The following MYO16 variants were observed in gnomAD, a reference collection of about 807,000 sequenced individuals.
MYO16 encodes myosin XVI.
A neutral mutation model predicts 205.3 loss-of-function variants in MYO16; 94 were observed. The ratio of observed to expected loss-of-function variants is 0.46; its 90% CI spans 0.39 to 0.54. The LOEUF is 0.54. Among genes scored for constraint, MYO16 ranks in the 20% least tolerant of loss-of-function variants. MYO16 has a pLI of 0.00. For missense variants in MYO16, 2,315 were observed against 2,387.5 expected, an observed-to-expected ratio of 0.97 and a Z score of 0.63; for synonymous variants, 988 against 954.0, an observed-to-expected ratio of 1.04 and a Z score of -0.66.
At chr13:109,063,736 A>G (rs1378162735) in intron 27 of MYO16, among the ~76,000 whole-genome samples, 1 of 152,100 alleles carries the variant, frequency 6.6e-6, no homozygotes, top group Non-Finnish European at 1.5e-5. Flanking sequence ...GCAAAGTTAT[A>G]TATATTGTGT....
At chr13:108,624,107 G>C (rs1228138194) in intron 1 of MYO16, among the ~76,000 whole-genome samples, 1 of 152,126 alleles carries the variant, frequency 6.6e-6, no homozygotes, top group African/African-American at 2.4e-5. Context: ...AATGGGAAAA[G>C]TATGAAGGAG....
intron 32 of MYO16, among the ~76,000 whole-genome samples, chr13:109,143,450 A>G (rs972732985): frequency 6.6e-6 from 1 of 152,190 alleles, no homozygotes; most frequent in Non-Finnish European, 1.5e-5. Flanking sequence ...GTTTCATTCC[A>G]AGGAACAAAA....
At chr13:109,116,914 G>A (rs916869104) in intron 28 of MYO16, among the ~76,000 whole-genome samples, 56 of 152,278 alleles carry the variant, frequency 3.7e-4, no homozygotes, top group African/African-American at 1.3e-3. Context: ...CCCCTGGTGG[G>A]TTTTTGATGT....
At chr13:108,721,516 G>A (rs1476042905) in intron 3 of MYO16, among the ~76,000 whole-genome samples, 2 of 152,150 alleles carry the variant, frequency 1.3e-5, no homozygotes, top group African/African-American at 2.4e-5. Flanking sequence ...CTTATGTGGA[G>A]TAAGTGATAT....
chr13:108,665,320 C>T (rs1594189587), intron 1 of MYO16, among the ~76,000 whole-genome samples: 1 of 151,858 alleles, frequency 6.6e-6, no homozygotes, highest in Admixed American at 6.6e-5. Context: ...TATTGTTGCC[C>T]AGGCAAGTCT....
intron 1 of MYO16, among the ~76,000 whole-genome samples, chr13:108,646,962 G>A (rs968897340): frequency 2.0e-5 from 3 of 151,940 alleles, no homozygotes; most frequent in Non-Finnish European, 2.9e-5. Context: ...CATTGTCAGC[G>A]AACACTATAT....
At chr13:108,919,437 C>T (rs566200436) in intron 16 of MYO16, among the ~76,000 whole-genome samples, 4 of 152,340 alleles carry the variant, frequency 2.6e-5, no homozygotes, top group African/African-American at 7.2e-5. Context: ...TGCTTGATGA[C>T]GCAAGGCGAC....
At chr13:108,607,091 G>C (rs2139309880) in intron 1 of MYO16, among the ~76,000 whole-genome samples, 1 of 152,268 alleles carries the variant, frequency 6.6e-6, no homozygotes, top group East Asian at 1.9e-4. Context: ...TATCCCCATG[G>C]TATCTAGGAA....
chr13:108,976,045 C>T (rs1164267644), intron 20 of MYO16, among the ~76,000 whole-genome samples: 2 of 152,140 alleles, frequency 1.3e-5, no homozygotes, highest in African/African-American at 2.4e-5. Context: ...CAATGTTTCT[C>T]AGTTTTCTGA....
chr13:108,864,676 G>A (rs1878617053), intron 11 of MYO16, among the ~76,000 whole-genome samples: 1 of 151,696 alleles, frequency 6.6e-6, no homozygotes, highest in Admixed American at 6.6e-5. Flanking sequence ...TGACAGGCAT[G>A]CACCACCATG....
At chr13:108,736,420 T>C (rs945416855) in intron 4 of MYO16, among the ~76,000 whole-genome samples, 6 of 152,186 alleles carry the variant, frequency 3.9e-5, no homozygotes, top group African/African-American at 1.2e-4. Flanking sequence ...CCATTTCTTG[T>C]TTTTGTCAGG....
intron 3 of MYO16, among the ~76,000 whole-genome samples, chr13:108,727,047 G>A (rs909657076): frequency 6.6e-6 from 1 of 151,012 alleles, no homozygotes; most frequent in Non-Finnish European, 1.5e-5. Context: ...TCTTTTGACA[G>A]TGACAAAGGA....
At chr13:108,624,921 A>C (rs897449112), upstream of MYO16, among the ~76,000 whole-genome samples, 2 of 151,906 alleles carry the variant, frequency 1.3e-5, no homozygotes, top group Non-Finnish European at 1.5e-5. Context: ...TTTTTGAAGC[A>C]GTTTTTAAAA....
chr13:108,684,853 T>C (rs890468871), intron 2 of MYO16, among the ~76,000 whole-genome samples: 1 of 152,108 alleles, frequency 6.6e-6, no homozygotes, highest in African/African-American at 2.4e-5. Context: ...GCCTGGAAGC[T>C]CCATGCCTGG....
At chr13:108,997,326 AAGAAAGAAAGAAAGAGAGAG>A (rs1885045490) in intron 21 of MYO16, among the ~76,000 whole-genome samples, 13 of 9,234 alleles carry the variant, frequency 1.4e-3, no homozygotes, top group Middle Eastern at 0.071. Flanking sequence ...GAAAGAAAGA[AAGAAAGAAAGAAAGAGAGAG>A]AGAGAGAGAG....
Position 108,727,332 on chromosome 13 carries a change from C to T in MYO16, c.364-108C>T, listed in dbSNP as rs577571601. 16 of 1,205,666 alleles carry T rather than the reference C, an allele frequency of 1.3e-5. No homozygotes were observed. In the African/African-American group the frequency reaches 1.4e-4, roughly 10 times the overall value. The allele number at this position is 1,205,666 out of a possible 1,614,324, so 74.7% of individuals were successfully genotyped here. On this transcript the variant is annotated intron_variant, in intron 3 of 34. Coordinates refer to ENST00000457511, the MANE Select transcript of MYO16 (RefSeq NM_001198950.3). ...CTTTTCCCAGGTTAGCTTCACCTCT[C>T]AACTCCCAAAATTGGTATTGAAGTT...
intron 28 of MYO16, among the ~76,000 whole-genome samples, chr13:109,112,833 T>G (rs747889863): frequency 1.6e-4 from 24 of 152,252 alleles, no homozygotes; most frequent in Non-Finnish European, 3.2e-4. Flanking sequence ...TTTTTTAAAA[T>G]TCTGCCTTCT....
At chr13:108,723,392 G>A (rs1306521588) in intron 3 of MYO16, among the ~76,000 whole-genome samples, 1 of 151,918 alleles carries the variant, frequency 6.6e-6, no homozygotes, top group African/African-American at 2.4e-5. Flanking sequence ...TCCCCTGATA[G>A]GCTGCATTTT....
At chr13:108,943,058 A>T (rs1882793078) in intron 16 of MYO16, among the ~76,000 whole-genome samples, 1 of 152,260 alleles carries the variant, frequency 6.6e-6, no homozygotes, top group Admixed American at 6.5e-5. Context: ...CAATTGGTGA[A>T]TGAGAAACAG....
Sources: allele counts gnomAD v4.1 joint callset (sites outside exome capture counted in the v4.1 genomes callset), GRCh38; gene constraint gnomAD v4.1.1; transcripts MANE v1.5; gene names NCBI Gene and HGNC (gene_info 2026-07-23, HGNC 2026-07-21).